Variants in SDK2 observed in about 807,000 individuals in gnomAD.
The protein encoded by SDK2 is protein sidekick-2.
Under a neutral mutation model 253.9 loss-of-function variants are expected in SDK2, and 105 were observed. That is an observed-to-expected ratio of 0.41 (90% CI 0.35 to 0.49). The LOEUF (loss-of-function observed/expected upper bound fraction) is 0.49, where lower values mean the gene tolerates loss of function less well. Ranked by LOEUF, SDK2 falls within the 20% of genes least tolerant of loss-of-function variation. The pLI, the probability that SDK2 is intolerant of heterozygous loss-of-function variation, is 0.06. For synonymous variants in SDK2, 1,249 were observed against 1,234.9 expected, an observed-to-expected ratio of 1.01 and a Z score of -0.24; for missense variants, 2,608 against 3,003.0, an observed-to-expected ratio of 0.87 and a Z score of 3.07.
intron 1 of SDK2, among the ~76,000 whole-genome samples, chr17:73,638,806 C>CTTTTTT (rs1223522657): frequency 2.2e-5 from 3 of 138,992 alleles, no homozygotes; most frequent in African/African-American, 2.7e-5. Flanking sequence ...AGATAACAGT[C>CTTTTTT]TTTTTTTTTT....
rs1341021826 is a variant in SDK2 at position 73,435,844 on chromosome 17, T to G, written c.1001-200A>C. Among the ~76,000 whole-genome samples, 1 of 152,178 alleles carries G rather than the reference T, an allele frequency of 6.6e-6. No individual in the cohort carries two copies. The highest frequency in any genetic ancestry group is 1.5e-5 in the Non-Finnish European group (1 of 68,024). On this transcript the variant is annotated intron_variant, in intron 8 of 44. Transcript: ENST00000392650. This position sits in a 1 kb window ranked among gnomAD's most constrained non-coding sequence, Gnocchi z 5.7. ...CTTTGAGTGGTAATTCTCAAAGTCT[T>G]TGGGACAGAGTAAAGATCCGGGAAT...
At chr17:73,593,653 T>C (rs1192607144) in intron 1 of SDK2, among the ~76,000 whole-genome samples, 1 of 152,216 alleles carries the variant, frequency 6.6e-6, no homozygotes, top group Admixed American at 6.5e-5. Context: ...CACTCACATG[T>C]TTACTGATCA....
At chr17:73,393,261 A>AG (rs1239222248) in intron 27 of SDK2, among the ~76,000 whole-genome samples, 1 of 151,590 alleles carries the variant, frequency 6.6e-6, no homozygotes, top group Non-Finnish European at 1.5e-5. Flanking sequence ...AAAAAAAAAA[A>AG]AAAGAAAAGT....
At position 73,642,622 on chromosome 17, in the gene SDK2, C is replaced by T. The variant is rs1425599480; in HGVS notation, c.64+1403G>A. On this transcript the variant is annotated intron_variant, in intron 1 of 44. Transcript: ENST00000392650. The surrounding 1 kb of genome is among the most constrained non-coding windows in gnomAD (Gnocchi z 4.7). ...CTCTGCCCCCAGATCACAGAGTGGCCTTGGGCAAGTCATTTAATGCCATTT... is the reference window on the plus strand; with the variant it reads ...CTCTGCCCCCAGATCACAGAGTGGCTTTGGGCAAGTCATTTAATGCCATTT... Among the ~76,000 whole-genome samples the T allele has an allele frequency of 6.6e-6, 1 of 152,116 alleles. No individual in the cohort carries two copies. Among genetic ancestry groups the T allele is most frequent in the Non-Finnish European group, 1.5e-5 (1 of 68,020 alleles).
intron 1 of SDK2, 65 bp from the exon 2 acceptor site, chr17:73,507,662 A>G: frequency 6.7e-7 from 1 of 1,502,202 alleles, no homozygotes; most frequent in Non-Finnish European, 9.0e-7. Context: ...TGGTGCGTTT[A>G]GTATCCTAAG....
At chr17:73,523,286 A>G (rs1489279148) in intron 1 of SDK2, among the ~76,000 whole-genome samples, 2 of 151,734 alleles carry the variant, frequency 1.3e-5, no homozygotes, top group Non-Finnish European at 2.9e-5. Flanking sequence ...AGAGAGACCA[A>G]GCTTCCCCTC....
In SDK2 at chr17:73,455,978, C is replaced by T. The variant is rs1463490457; in HGVS notation, c.407G>A (p.Arg136His). The T allele has an allele frequency of 5.2e-6, 8 of 1,548,100 alleles. No individual in the cohort carries two copies. The highest frequency in any genetic ancestry group is 2.5e-5 in the East Asian group (1 of 40,604). The change falls in exon 4 of 45, where the codon CGC becomes CAC. Residue 136 changes from arginine to histidine, a missense_variant. Arg to His is a conservative substitution (Grantham distance 29, BLOSUM62 0). Around this residue, in one of 2 missense-constraint regions of SDK2, gnomAD observed 1,505 missense variants for 1,859.1 expected, o/e 0.81. Coordinates refer to ENST00000392650, the MANE Select transcript of SDK2 (RefSeq NM_001144952.2). The surrounding 1 kb of genome is among the most constrained non-coding windows in gnomAD (Gnocchi z 5.0). ...CTGTGGCTGGGGGAAGCTGGCGATG[C>T]GCGGGGCACGGATGACAGCTGCTTC... Reference protein sequence around the residue: ...HGEAAVIRAPRIASFPQPQVT... With the variant: ...HGEAAVIRAPHIASFPQPQVT...
chr17:73,630,973 A>G (rs982392833), intron 1 of SDK2, among the ~76,000 whole-genome samples: 1 of 151,884 alleles, frequency 6.6e-6, no homozygotes, highest in Non-Finnish European at 1.5e-5. Context: ...GAAGGGGTTA[A>G]ATGCCAACAC....
intron 3 of SDK2, among the ~76,000 whole-genome samples, chr17:73,471,813 T>A (rs927025354): frequency 1.3e-5 from 2 of 152,078 alleles, no homozygotes; most frequent in Admixed American, 6.5e-5. Context: ...AGGCCACCCT[T>A]GTCTAAAATG....
At chr17:73,401,916 G>C (rs774865150) in intron 19 of SDK2, 30 bp downstream of exon 19, 1 of 1,517,494 alleles carries the variant, frequency 6.6e-7, no homozygotes, top group Non-Finnish European at 9.0e-7. Flanking sequence ...GCGGGGGGGG[G>C]CAGAAAGAGC....
Position 73,398,351 on chromosome 17 carries a change from C to T in SDK2, c.3172G>A (p.Val1058Met), listed in dbSNP as rs754885976. Residue 1058 changes from valine (V) to methionine (M), a missense_variant, in exon 23 of 45, where the codon GTG becomes ATG. Val to Met is a conservative substitution (Grantham distance 21, BLOSUM62 1). Around this residue, in one of 2 missense-constraint regions of SDK2, gnomAD observed 1,505 missense variants for 1,859.1 expected, o/e 0.81. Transcript: ENST00000392650. ...SNEPDARSME[V>M]PDLNPFTCYS... Reference sequence around the variant, plus strand: ...CAGGTGAAGGGGTTGAGGTCGGGCACCTCCATGGAGCGGGCATCGGGCTCA... The same window carrying T: ...CAGGTGAAGGGGTTGAGGTCGGGCATCTCCATGGAGCGGGCATCGGGCTCA... 6 of 1,613,850 alleles carry T rather than the reference C, an allele frequency of 3.7e-6. No individual in the cohort carries two copies. The highest frequency in any genetic ancestry group is 5.1e-6 in the Non-Finnish European group (6 of 1,179,884).
At chr17:73,393,436 G>A (rs976564451) in intron 27 of SDK2, 124 bp downstream of exon 27, 4 of 793,978 alleles carry the variant, frequency 5.0e-6, no homozygotes, top group Non-Finnish European at 5.5e-6. Context: ...CATCCCTACC[G>A]GAGGCATCTG....
intron 1 of SDK2, among the ~76,000 whole-genome samples, chr17:73,593,168 A>C (rs1599709202): frequency 6.6e-6 from 1 of 151,208 alleles, no homozygotes; most frequent in African/African-American, 2.4e-5. Flanking sequence ...ACCCCACCCC[A>C]CCCTCTGCCT....
In SDK2 at chr17:73,572,307, G is replaced by A. The variant is rs73351552; in HGVS notation, c.65-64710C>T. ...CACTTTGTCCTATCCCCTACCTGCC[G>A]TGAGGGCTCAGTTATCCCTGTAGAA... On this transcript the variant is annotated intron_variant, in intron 1 of 44. Coordinates refer to ENST00000392650, the MANE Select transcript of SDK2 (RefSeq NM_001144952.2). 5.1e-3 allele frequency among the ~76,000 whole-genome samples: 781 copies of A among 152,100 alleles called. 9 individuals are homozygous for A. The highest frequency in any genetic ancestry group is 0.014 in the African/African-American group (571 of 41,484).
chr17:73,460,056 C>G (rs1488685297), intron 3 of SDK2, among the ~76,000 whole-genome samples: 1 of 152,096 alleles, frequency 6.6e-6, no homozygotes, highest in Non-Finnish European at 1.5e-5. Context: ...AGGTCAATTC[C>G]CCTTGAATCT....
Position 73,397,900 on chromosome 17 carries a change from T to C in SDK2, c.3354+135A>G, listed in dbSNP as rs1599523767. The C allele has an allele frequency of 3.0e-6, 3 of 999,732 alleles. No individual in the cohort carries two copies. The African/African-American group carries it at 4.9e-5, about 16-fold the overall frequency. The allele number at this position is 999,732 out of a possible 1,614,324, so 61.9% of individuals were successfully genotyped here. ...GGCATTTGTTCGTTGGGCTAAGATG[T>C]TGATTATCAGGCATCTCATCAGAAA... On this transcript the variant is annotated intron_variant, in intron 24 of 44. Coordinates refer to ENST00000392650, the MANE Select transcript of SDK2 (RefSeq NM_001144952.2).
chr17:73,348,365 C>T (rs531971357), intron 44 of SDK2, among the ~76,000 whole-genome samples: 1 of 152,306 alleles, frequency 6.6e-6, no homozygotes, highest in East Asian at 1.9e-4. Context: ...CCGTCTTCTT[C>T]GGGGTACCCC....
At position 73,643,957 on chromosome 17, in the gene SDK2, T is replaced by TGCCCCCCCCCCCCCCCCCCCCCCCCAA; in HGVS notation, c.64+67_64+68insTTGGGGGGGGGGGGGGGGGGGGGGGGC. 2 of 1,019,998 alleles carry TGCCCCCCCCCCCCCCCCCCCCCCCCAA rather than the reference T, an allele frequency of 2.0e-6. No homozygotes were observed. The highest frequency in any genetic ancestry group is 3.0e-6 in the Non-Finnish European group (2 of 674,884). The allele number at this position is 1,019,998 out of a possible 1,614,324, so 63.2% of individuals were successfully genotyped here. ...GGAGGTCACCGTGAGGCCGGCCAGC[T>TGCCCCCCCCCCCCCCCCCCCCCCCCAA]CCCGCCGCCCCTCCCCCGCCCACTC... On this transcript the variant is annotated intron_variant, in intron 1 of 44. Transcript: ENST00000392650. This position sits in a 1 kb window ranked among gnomAD's most constrained non-coding sequence, Gnocchi z 6.9.
At chr17:73,349,833 G>A (rs1284976690) in intron 43 of SDK2, among the ~76,000 whole-genome samples, 5 of 152,112 alleles carry the variant, frequency 3.3e-5, no homozygotes, top group East Asian at 1.9e-4. Flanking sequence ...CTCGGTCTGC[G>A]TTGGCTGGGC....
Sources: allele counts gnomAD v4.1 joint callset (sites outside exome capture counted in the v4.1 genomes callset), GRCh38; gene constraint gnomAD v4.1.1; regional missense constraint gnomAD v4.1.1; non-coding constraint Gnocchi (gnomAD v3.1); transcripts MANE v1.5; gene names NCBI Gene and HGNC (gene_info 2026-07-23, HGNC 2026-07-21).